Variants in PARD3 observed in about 807,000 individuals in gnomAD.
PARD3 encodes partitioning defective 3 homolog.
A neutral mutation model predicts 155.4 loss-of-function variants in PARD3; 75 were observed. The ratio of observed to expected loss-of-function variants is 0.48; its 90% CI spans 0.40 to 0.58. PARD3 has a LOEUF of 0.58. Among genes scored for constraint, PARD3 ranks in the 20% least tolerant of loss-of-function variants. The probability of loss-of-function intolerance (pLI) is 0.00; values close to 1 mark genes in which losing one functional copy is unlikely to be tolerated. For missense variants in PARD3, 1,642 were observed against 1,721.7 expected, an observed-to-expected ratio of 0.95 and a Z score of 0.82; for synonymous variants, 576 against 610.5, an observed-to-expected ratio of 0.94 and a Z score of 0.83.
At chr10:34,718,336 A>T (rs1296535358) in intron 1 of PARD3, among the ~76,000 whole-genome samples, 3 of 151,988 alleles carry the variant, frequency 2.0e-5, no homozygotes, top group African/African-American at 7.3e-5. Context: ...AATCAGGAGA[A>T]ATCTTAGGAC....
intron 22 of PARD3, among the ~76,000 whole-genome samples, chr10:34,201,204 G>A (rs1036631674): frequency 6.6e-6 from 1 of 152,140 alleles, no homozygotes; most frequent in African/African-American, 2.4e-5. Context: ...ATGTACCTTG[G>A]GGGAGCTCTG....
intron 20 of PARD3, among the ~76,000 whole-genome samples, chr10:34,311,623 G>A (rs1402370753): frequency 3.3e-5 from 5 of 152,244 alleles, no homozygotes; most frequent in South Asian, 4.2e-4. Flanking sequence ...GTGCTCTCTC[G>A]ACACGTGGTC....
intron 7 of PARD3, among the ~76,000 whole-genome samples, chr10:34,393,440 G>A (rs568323623): frequency 2.8e-4 from 42 of 152,086 alleles, no homozygotes; most frequent in African/African-American, 1.0e-3. Flanking sequence ...AATTAGCCGG[G>A]CATGGAGGCA....
At chr10:34,782,039 A>G (rs572506147) in intron 1 of PARD3, among the ~76,000 whole-genome samples, 18 of 152,360 alleles carry the variant, frequency 1.2e-4, no homozygotes, top group African/African-American at 4.3e-4. Context: ...ATGATTTTTT[A>G]GATATTTTTA....
chr10:34,455,645 G>C (rs1396686324), intron 4 of PARD3, among the ~76,000 whole-genome samples: 1 of 152,002 alleles, frequency 6.6e-6, no homozygotes, highest in Non-Finnish European at 1.5e-5. Context: ...CAAAACGCAG[G>C]CTTAATCACC....
chr10:34,329,688 C>T (rs965043280), intron 19 of PARD3, among the ~76,000 whole-genome samples: 4 of 151,838 alleles, frequency 2.6e-5, no homozygotes, highest in Non-Finnish European at 5.9e-5. Context: ...CTGGAGAGGC[C>T]GCCAAAAGGG....
chr10:34,678,875 C>T (rs1285340582), intron 2 of PARD3, among the ~76,000 whole-genome samples: 2 of 151,920 alleles, frequency 1.3e-5, no homozygotes, highest in African/African-American at 4.8e-5. Flanking sequence ...CTTTTGCTGA[C>T]TTCTGAAGTG....
chr10:34,695,100 C>G (rs1041266331), intron 2 of PARD3, among the ~76,000 whole-genome samples: 1 of 152,156 alleles, frequency 6.6e-6, no homozygotes. Context: ...GTCGACCAGG[C>G]CGCTGCCTCC....
rs569986824 is a variant in PARD3, at chr10:34,318,962, TTAG to T, written c.2834-1627_2834-1625del. ...TTGTATTTTTAGTAGTTTTGTATTT[TTAG>T]TAGTAGAGTTTCACTATGTTGGCCA... On this transcript the variant is annotated intron_variant, in intron 19 of 24. Coordinates refer to ENST00000374788, the MANE Select transcript of PARD3 (RefSeq NM_001184785.2). 1.5e-3 allele frequency among the ~76,000 whole-genome samples: 221 copies of T among 151,220 alleles called. 2 individuals carry two copies. Among genetic ancestry groups the T allele is most frequent in the African/African-American group, 5.2e-3 (216 of 41,148 alleles).
intron 23 of PARD3, among the ~76,000 whole-genome samples, chr10:34,121,256 T>C (rs926152525): frequency 3.9e-5 from 6 of 152,192 alleles, no homozygotes; most frequent in African/African-American, 1.4e-4. Context: ...TCTGGCCTTT[T>C]GAAATAAAAG....
At chr10:34,164,184 T>C (rs550565620) in intron 22 of PARD3, among the ~76,000 whole-genome samples, 5 of 152,222 alleles carry the variant, frequency 3.3e-5, no homozygotes, top group East Asian at 1.9e-4. Context: ...AAAGGAAGAA[T>C]TGGCCATAAA....
intron 5 of PARD3, among the ~76,000 whole-genome samples, chr10:34,446,753 A>G (rs1004628914): frequency 1.3e-5 from 2 of 152,162 alleles, no homozygotes; most frequent in Non-Finnish European, 2.9e-5. Flanking sequence ...CAAAATTAGG[A>G]CATTTCCTGT....
At chr10:34,192,913 G>A (rs1950779491) in intron 22 of PARD3, among the ~76,000 whole-genome samples, 1 of 152,156 alleles carries the variant, frequency 6.6e-6, no homozygotes, top group African/African-American at 2.4e-5. Flanking sequence ...TGTTTTTGAG[G>A]TAAAGGCATT....
At chr10:34,139,910 A>T (rs1313084742) in intron 22 of PARD3, among the ~76,000 whole-genome samples, 1 of 152,210 alleles carries the variant, frequency 6.6e-6, no homozygotes, top group Non-Finnish European at 1.5e-5. Flanking sequence ...GCAGGTAAAC[A>T]ACCTGCTTCC....
At chr10:34,628,843 GAAAC>G (rs2092119445) in intron 2 of PARD3, among the ~76,000 whole-genome samples, 2 of 152,142 alleles carry the variant, frequency 1.3e-5, no homozygotes, top group African/African-American at 2.4e-5. Context: ...TGACGAACAA[GAAAC>G]AAACAAAAAT....
At chr10:34,781,087 G>A (rs553748579) in intron 1 of PARD3, among the ~76,000 whole-genome samples, 1 of 152,202 alleles carries the variant, frequency 6.6e-6, no homozygotes, top group Non-Finnish European at 1.5e-5. Flanking sequence ...TCCAAAAAAA[G>A]CTCTGTGCCT....
Position 34,332,608 on chromosome 10 carries a change from A to G in PARD3, c.2606-1264T>C, listed in dbSNP as rs183350988. 7.2e-5 allele frequency among the ~76,000 whole-genome samples: 11 copies of G among 152,348 alleles called. No individual in the cohort carries two copies. The East Asian group carries it at 2.1e-3, about 29-fold the overall frequency. ...AAATTTAATTTTTTAAGATTCACTG[A>G]TGTTAAATGAAGCTATTTTGGGTAA... On this transcript the variant is annotated intron_variant, in intron 18 of 24. Coordinates refer to ENST00000374788, the MANE Select transcript of PARD3 (RefSeq NM_001184785.2).
intron 22 of PARD3, among the ~76,000 whole-genome samples, chr10:34,260,871 T>C (rs1474448175): frequency 6.6e-6 from 1 of 152,174 alleles, no homozygotes; most frequent in East Asian, 1.9e-4. Flanking sequence ...CTAAGAAAAT[T>C]AGTTTTGTTC....
At chr10:34,678,781 G>GTAA (rs1230100501) in intron 2 of PARD3, among the ~76,000 whole-genome samples, 1 of 151,718 alleles carries the variant, frequency 6.6e-6, no homozygotes, top group Non-Finnish European at 1.5e-5. Context: ...AACACAAAGA[G>GTAA]TAAGCATGAC....
Sources: allele counts gnomAD v4.1 joint callset (sites outside exome capture counted in the v4.1 genomes callset), GRCh38; gene constraint gnomAD v4.1.1; transcripts MANE v1.5; gene names NCBI Gene and HGNC (gene_info 2026-07-23, HGNC 2026-07-21).